Variants in PDE6C observed in about 807,000 individuals in gnomAD.
The protein encoded by PDE6C is cone cGMP-specific 3',5'-cyclic phosphodiesterase subunit alpha'.
Under a neutral mutation model 113.1 loss-of-function variants are expected in PDE6C, and 75 were observed. The observed-to-expected ratio is 0.66, with a 90% CI of 0.55 to 0.80. The LOEUF (loss-of-function observed/expected upper bound fraction) is 0.80, where lower values mean the gene tolerates loss of function less well. PDE6C is among the 30% of genes least tolerant of loss of function. The probability of loss-of-function intolerance (pLI) is 0.00; values close to 1 mark genes in which losing one functional copy is unlikely to be tolerated. For synonymous variants in PDE6C, 375 were observed against 363.7 expected, an observed-to-expected ratio of 1.03 and a Z score of -0.35; for missense variants, 912 against 1,038.6, an observed-to-expected ratio of 0.88 and a Z score of 1.67.
intron 3 of PDE6C, 124 bp from the exon 4 acceptor site, chr10:93,621,808 A>C: frequency 1.1e-6 from 1 of 875,234 alleles, no homozygotes; most frequent in Non-Finnish European, 1.9e-6. Flanking sequence ...CAAAATCAGA[A>C]TTGCACTTTC....
chr10:93,629,235 A>G (rs2058487862), intron 7 of PDE6C, 23 bp from the exon 8 acceptor site: 1 of 1,593,762 alleles, frequency 6.3e-7, no homozygotes, highest in Admixed American at 1.7e-5. Flanking sequence ...ATTTCAGACC[A>G]TTTGTCTCCT....
rs1589705972 is a variant in PDE6C at position 93,659,245 on chromosome 10, C to T, written c.2208+78C>T. 4.3e-5 allele frequency: 40 copies of T among 938,942 alleles called. No individual in the cohort carries two copies. The East Asian group carries it at 9.6e-4, about 23-fold the overall frequency. The allele number at this position is 938,942 out of a possible 1,614,324, so 58.2% of individuals were successfully genotyped here. Reference sequence around the variant, plus strand: ...CCCATGTAAATGTCCACCTAAAGATCTCAGGCAACCTCAGAATTCTGAAAA... The same window carrying T: ...CCCATGTAAATGTCCACCTAAAGATTTCAGGCAACCTCAGAATTCTGAAAA... On this transcript the variant is annotated intron_variant, in intron 18 of 21. Transcript: ENST00000371447.
chr10:93,658,501 G>C (rs948178255), intron 16 of PDE6C, among the ~76,000 whole-genome samples: 1 of 152,070 alleles, frequency 6.6e-6, no homozygotes, highest in Non-Finnish European at 1.5e-5. Flanking sequence ...TAAAGAGACA[G>C]GGTCTTGCTT....
chr10:93,635,896 A>C (rs917263599), intron 10 of PDE6C, among the ~76,000 whole-genome samples: 1 of 152,128 alleles, frequency 6.6e-6, no homozygotes, highest in Non-Finnish European at 1.5e-5. Flanking sequence ...GCAAGAAAAA[A>C]ATATATATAT....
At chr10:93,630,066 A>G (rs1448275777) in intron 8 of PDE6C, among the ~76,000 whole-genome samples, 1 of 152,128 alleles carries the variant, frequency 6.6e-6, no homozygotes, top group Non-Finnish European at 1.5e-5. Flanking sequence ...TTTTCTCAGC[A>G]GCCCTTCCCT....
chr10:93,659,182 GT>G lies in PDE6C; in HGVS notation c.2208+19del, dbSNP rs1564805997. On this transcript the variant is annotated intron_variant, in intron 18 of 21. Coordinates refer to ENST00000371447, the MANE Select transcript of PDE6C (RefSeq NM_006204.4). ...TGCAAAGTCAGGTGAGTCCAGTTAA[GT>G]TTTCTTTTCTGTCACACTGTCAGGT... 4 of 1,586,158 alleles carry G rather than the reference GT, an allele frequency of 2.5e-6. No individual in the cohort carries two copies. In the Admixed American group the frequency reaches 5.0e-5, roughly 20 times the overall value.
Position 93,662,141 on chromosome 10 carries a change from C to A in PDE6C, c.2283+8C>A. ...TTGCAGCAACAACCCATTGTAAGACCTTGACATAAAAATGTATTACTTATT... is the reference window on the plus strand; with the variant it reads ...TTGCAGCAACAACCCATTGTAAGACATTGACATAAAAATGTATTACTTATT... On this transcript the variant is annotated splice_region_variant and intron_variant, in intron 19 of 21. Coordinates refer to ENST00000371447, the MANE Select transcript of PDE6C (RefSeq NM_006204.4). The A allele has an allele frequency of 6.4e-7, 1 of 1,568,328 alleles. No individual in the cohort carries two copies. Among genetic ancestry groups the A allele is most frequent in the Non-Finnish European group, 8.8e-7 (1 of 1,138,428 alleles).
At chr10:93,630,757 C>A (rs2058497432) in intron 8 of PDE6C, among the ~76,000 whole-genome samples, 1 of 152,170 alleles carries the variant, frequency 6.6e-6, no homozygotes, top group Non-Finnish European at 1.5e-5. Flanking sequence ...CAGAACCACA[C>A]CACACCTTGG....
At chr10:93,636,936 A>G in intron 10 of PDE6C, 59 bp from the exon 11 acceptor site, 1 of 875,276 alleles carries the variant, frequency 1.1e-6, no homozygotes, top group Non-Finnish European at 2.0e-6. Flanking sequence ...ATAGTAGAGG[A>G]ATCAGATGGA....
intron 15 of PDE6C, among the ~76,000 whole-genome samples, chr10:93,654,368 A>G (rs1442839387): frequency 6.6e-6 from 1 of 152,188 alleles, no homozygotes; most frequent in Non-Finnish European, 1.5e-5. Context: ...ACCATGCTGC[A>G]CTGGCTTAGA....
intron 18 of PDE6C, 30 bp from the exon 19 acceptor site, chr10:93,662,029 T>A (rs777757905): frequency 7.1e-7 from 1 of 1,406,054 alleles, no homozygotes; most frequent in East Asian, 2.3e-5. Flanking sequence ...CATAAGTGGA[T>A]TTAGTGAACC....
At chr10:93,655,687 C>T in intron 15 of PDE6C, 73 bp from the exon 16 acceptor site, 7 of 616,932 alleles carry the variant, frequency 1.1e-5, no homozygotes, top group Non-Finnish European at 1.8e-5. Flanking sequence ...AGATTTTCTT[C>T]TTGTTAAGCA....
chr10:93,659,134 T>C lies in PDE6C; in HGVS notation c.2175T>C (p.Ser725=), dbSNP rs575277306. 1 of 1,611,564 alleles carries C rather than the reference T, an allele frequency of 6.2e-7. No individual in the cohort carries two copies. Among genetic ancestry groups the C allele is most frequent in the Non-Finnish European group, 8.5e-7 (1 of 1,179,416 alleles). Residue 725 remains serine (S), a synonymous_variant, in exon 18 of 22, where the codon TCT becomes TCC. Transcript: ENST00000371447. The part of the protein sequence containing the change: ...MAMMMTACDL[S]AITKPWEVQS... ...TGATGATGACGGCATGTGACTTGTC[T>C]GCTATTACCAAGCCCTGGGAGGTGC...
chr10:93,657,328 ATTTTTTT>A (rs71031526), intron 16 of PDE6C, among the ~76,000 whole-genome samples: 78 of 88,286 alleles, frequency 8.8e-4, no homozygotes, highest in African/African-American at 1.5e-3. Flanking sequence ...CGCCTGGCTA[ATTTTTTT>A]TTTTTTTTTT....
intron 7 of PDE6C, among the ~76,000 whole-genome samples, chr10:93,628,657 A>G (rs2058485726): frequency 6.6e-6 from 1 of 152,234 alleles, no homozygotes; most frequent in Non-Finnish European, 1.5e-5. Flanking sequence ...ATGGTCTTTT[A>G]TTAAGATCCA....
intron 18 of PDE6C, among the ~76,000 whole-genome samples, 175 bp downstream of exon 18, chr10:93,659,342 AAGG>A (rs1394452133): frequency 6.6e-6 from 1 of 152,294 alleles, no homozygotes; most frequent in South Asian, 2.1e-4. Flanking sequence ...GGAACTTTGG[AAGG>A]AGAATTCTTT....
At chr10:93,652,511 A>C (rs2058613855) in intron 15 of PDE6C, among the ~76,000 whole-genome samples, 1 of 152,230 alleles carries the variant, frequency 6.6e-6, no homozygotes, top group African/African-American at 2.4e-5. Context: ...TATGCAAAAG[A>C]AGCAGTACTG....
chr10:93,612,764 G>A lies in PDE6C; in HGVS notation c.39G>A (p.Leu13=). ...ACCAAGTTGCCGTGGAGAAATACCT[G>A]GAGGAGAACCCTCAGTTTGCCAAGG... ...EINQVAVEKY[L]EENPQFAKEY... is the part of the protein sequence containing the mutation. Residue 13 remains leucine, a synonymous_variant, in exon 1 of 22, where the codon CTG becomes CTA. Coordinates refer to ENST00000371447, the MANE Select transcript of PDE6C (RefSeq NM_006204.4). 6.2e-7 allele frequency: 1 copy of A among 1,614,136 alleles called. No individual in the cohort carries two copies.
chr10:93,651,533 C>A (rs1167965019), intron 15 of PDE6C, among the ~76,000 whole-genome samples: 1 of 152,132 alleles, frequency 6.6e-6, no homozygotes, highest in Non-Finnish European at 1.5e-5. Flanking sequence ...ATGAGAACAG[C>A]GTGGGAGAAC....
Sources: allele counts gnomAD v4.1 joint callset (sites outside exome capture counted in the v4.1 genomes callset), GRCh38; gene constraint gnomAD v4.1.1; transcripts MANE v1.5; gene names NCBI Gene and HGNC (gene_info 2026-07-23, HGNC 2026-07-21).